Variants in DST observed in about 807,000 individuals in gnomAD.
The protein encoded by DST is dystonin, also known as bullous pemphigoid antigen.
A neutral mutation model predicts 875.2 loss-of-function variants in DST; 253 were observed. The ratio of observed to expected loss-of-function variants is 0.29; its 90% CI spans 0.26 to 0.32. The LOEUF is 0.32. Among genes scored for constraint, DST ranks in the 10% least tolerant of loss-of-function variants. The pLI, the probability that DST is intolerant of heterozygous loss-of-function variation, is 1.00. For missense variants in DST, 8,287 were observed against 9,111.6 expected (o/e 0.91, Z 3.68); for synonymous variants, 3,124 against 3,197.1 (o/e 0.98, Z 0.77).
At chr6:56,864,615 C>T (rs540586658) in intron 3 of DST, among the ~76,000 whole-genome samples, 4 of 152,086 alleles carry the variant, frequency 2.6e-5, no homozygotes, top group South Asian at 4.1e-4. Context: ...TTAACTTGCT[C>T]GTATTCTAAA....
At chr6:56,776,870 G>A (rs553480685) in intron 4 of DST, among the ~76,000 whole-genome samples, 1 of 152,056 alleles carries the variant, frequency 6.6e-6, no homozygotes, top group African/African-American at 2.4e-5. Context: ...GAAGCAAATT[G>A]TTTAAACATC....
intron 5 of DST, among the ~76,000 whole-genome samples, chr6:56,717,008 C>A (rs971297343): frequency 6.6e-6 from 1 of 151,848 alleles, no homozygotes; most frequent in Non-Finnish European, 1.5e-5. Flanking sequence ...GGTGAAACCC[C>A]ATCTCTACTA....
chr6:56,804,329 C>A (rs13201639), intron 4 of DST, among the ~76,000 whole-genome samples: 1 of 151,496 alleles, frequency 6.6e-6, no homozygotes, highest in East Asian at 1.9e-4. Flanking sequence ...GAAAAGCTGT[C>A]GTTAAGTAAG....
rs1196974149 is a variant in DST at position 56,642,675 on chromosome 6, T to G, written c.1779-172A>C. On this transcript the variant is annotated intron_variant, in intron 15 of 103. Transcript: ENST00000680361. ...AGCTAATGCAAGAGTTGATCAGTGT[T>G]GGACCACAATGAACCAAGAGAAGAT... The G allele has an allele frequency of 1.2e-6, 2 of 1,614,044 alleles. No homozygotes were observed. The highest frequency in any genetic ancestry group is 1.7e-6 in the Non-Finnish European group (2 of 1,180,010).
At chr6:56,677,092 A>C (rs1358648840) in intron 9 of DST, among the ~76,000 whole-genome samples, 1 of 152,232 alleles carries the variant, frequency 6.6e-6, no homozygotes, top group African/African-American at 2.4e-5. Flanking sequence ...GAATTTCATA[A>C]GATGTTGTAC....
intron 72 of DST, among the ~76,000 whole-genome samples, chr6:56,512,211 T>C (rs1052491383): frequency 6.6e-5 from 10 of 152,238 alleles, no homozygotes; most frequent in African/African-American, 2.2e-4. Flanking sequence ...TGAATGTGCA[T>C]AATTTTGCTA....
At chr6:56,624,506 A>G (rs1444803683) in intron 36 of DST, 24 bp downstream of exon 36, 2 of 1,477,290 alleles carry the variant, frequency 1.4e-6, no homozygotes, top group East Asian at 2.3e-5. Flanking sequence ...TTATATTTAC[A>G]GGGTGCTCAC....
Position 56,514,611 on chromosome 6 carries a change from A to C in DST, c.18576+839T>G, listed in dbSNP as rs1284874460. ...CACACACACACACACACACACACAC[A>C]CCCCCTCATGCGCATACACACACAC... On this transcript the variant is annotated intron_variant, in intron 72 of 103. Coordinates refer to ENST00000680361, the MANE Select transcript of DST (RefSeq NM_001374736.1). 6.3e-5 allele frequency among the ~76,000 whole-genome samples: 9 copies of C among 143,466 alleles called. No homozygotes were observed. In the South Asian group the frequency reaches 9.0e-4, roughly 14 times the overall value. 94.1% of individuals were successfully genotyped at this position (143,466 alleles called of 152,430 possible).
chr6:56,850,296 T>TG (rs1048750763), intron 4 of DST, among the ~76,000 whole-genome samples: 51 of 149,184 alleles, frequency 3.4e-4, no homozygotes, highest in African/African-American at 1.2e-3. Flanking sequence ...AAAATCCCAC[T>TG]GGGGGGACAA....
intron 4 of DST, among the ~76,000 whole-genome samples, chr6:56,830,643 G>T (rs1021026218): frequency 1.3e-4 from 20 of 152,156 alleles, no homozygotes; most frequent in African/African-American, 4.6e-4. Context: ...GAAAGCAAGA[G>T]ATAATAATGG....
In DST at chr6:56,552,636, G is replaced by A. The variant is rs1489641101; in HGVS notation, c.16156C>T (p.His5386Tyr). 2 of 1,613,920 alleles carry A rather than the reference G, an allele frequency of 1.2e-6. No individual in the cohort carries two copies. Among genetic ancestry groups the A allele is most frequent in the African/African-American group, 2.7e-5 (2 of 75,048 alleles). The change falls in exon 61 of 104, where the codon CAT becomes TAT. Residue 5386 changes from histidine to tyrosine, a missense_variant. His to Tyr is a moderately conservative substitution (Grantham distance 83, BLOSUM62 2). Around this residue, in one of 10 missense-constraint regions of DST, gnomAD observed 1,513 missense variants for 1,677.8 expected, o/e 0.90. Transcript: ENST00000680361. ...FLETKLQGIG[H>Y]FQNTIREMFS... ...ATTTCTCGAATGGTATTCTGGAAAT[G>A]CCCAATGCCCTGAAGCTTGGTTTCT...
At chr6:56,589,699 G>A (rs550899470) in intron 49 of DST, among the ~76,000 whole-genome samples, 16 of 152,316 alleles carry the variant, frequency 1.1e-4, no homozygotes, top group Admixed American at 5.2e-4. Context: ...CTCTTATGGG[G>A]CTAAAATCTT....
Position 56,632,918 on chromosome 6 carries a change from T to C in DST, c.3741A>G (p.Gln1247=), listed in dbSNP as rs1429081753. 1.9e-6 allele frequency: 3 copies of C among 1,613,858 alleles called. No individual in the cohort carries two copies. The highest frequency in any genetic ancestry group is 1.7e-6 in the Non-Finnish European group (2 of 1,179,936). The change falls in exon 28 of 104, where the codon CAA becomes CAG. Residue 1247 remains glutamine (Q), a synonymous_variant. Transcript: ENST00000680361. ...TACATACATTAACCTCCTTTTCCAG[T>C]TGTGTTATATCTGAGCCTGAAAAGA... The part of the protein sequence containing the change: ...SQVFSGSDIT[Q]LEKEVNVCKQ...
chr6:56,880,978 G>A (rs1293953687), intron 3 of DST, among the ~76,000 whole-genome samples: 3 of 149,712 alleles, frequency 2.0e-5, no homozygotes, highest in Non-Finnish European at 3.0e-5. Flanking sequence ...CTCCCGAGTA[G>A]CTGGGACTAC....
intron 5 of DST, among the ~76,000 whole-genome samples, chr6:56,706,622 TG>T (rs2099340153): frequency 6.6e-6 from 1 of 152,248 alleles, no homozygotes; most frequent in Non-Finnish European, 1.5e-5. Context: ...AGGGTGGTTT[TG>T]GGATGAAACT....
chr6:56,810,556 A>G (rs1440944952), intron 4 of DST, among the ~76,000 whole-genome samples: 1 of 152,166 alleles, frequency 6.6e-6, no homozygotes, highest in African/African-American at 2.4e-5. Flanking sequence ...ATATGTGATC[A>G]TATTTGCAAA....
chr6:56,615,673 T>C (rs865995262), intron 36 of DST: 7 of 1,614,166 alleles, frequency 4.3e-6, no homozygotes, highest in East Asian at 2.2e-5. Context: ...TTCTGACATA[T>C]GACTTTTGAT....
chr6:56,559,724 G>T (rs1295734624), intron 58 of DST, among the ~76,000 whole-genome samples: 1 of 151,842 alleles, frequency 6.6e-6, no homozygotes, highest in African/African-American at 2.4e-5. Context: ...ATAAAAATTG[G>T]TAAGACAATA....
Position 56,569,842 on chromosome 6 carries a change from T to A in DST, c.13878+14A>T. On this transcript the variant is annotated intron_variant, in intron 54 of 103. Transcript: ENST00000680361. ...ACACAAATGGAAATTTAGTATTAGA[T>A]AACAATGATTCACCTTAGTGTCTTC... The A allele has an allele frequency of 6.2e-7, 1 of 1,600,218 alleles. No individual in the cohort carries two copies. Among genetic ancestry groups the A allele is most frequent in the Non-Finnish European group, 8.5e-7 (1 of 1,174,436 alleles).
Sources: allele counts gnomAD v4.1 joint callset (sites outside exome capture counted in the v4.1 genomes callset), GRCh38; gene constraint gnomAD v4.1.1; regional missense constraint gnomAD v4.1.1; transcripts MANE v1.5; gene names NCBI Gene and HGNC (gene_info 2026-07-23, HGNC 2026-07-21).